The following PCDHA12 variants were observed in gnomAD, a reference collection of about 807,000 sequenced individuals.
PCDHA12 encodes protocadherin alpha-12.
PCDHA12 carries 44 observed loss-of-function variants against 60.0 expected under a neutral mutation model. That is an observed-to-expected ratio of 0.73 (90% CI 0.58 to 0.94). The LOEUF (loss-of-function observed/expected upper bound fraction) is 0.94, where lower values mean the gene tolerates loss of function less well. PCDHA12 is among the 40% of genes least tolerant of loss of function. The probability of loss-of-function intolerance (pLI) is 0.00; values close to 1 mark genes in which losing one functional copy is unlikely to be tolerated. For synonymous variants in PCDHA12, 569 were observed against 553.0 expected (o/e 1.03, Z -0.40); for missense variants, 1,276 against 1,239.7 (o/e 1.03, Z -0.44).
At chr5:140,963,091 T>C (rs1250580965) in intron 1 of PCDHA12, among the ~76,000 whole-genome samples, 1 of 152,162 alleles carries the variant, frequency 6.6e-6, no homozygotes, top group African/African-American at 2.4e-5. Flanking sequence ...AAGACATGGC[T>C]CCTGCTTTCA....
At chr5:140,919,982 G>GA (rs35005979) in intron 1 of PCDHA12, among the ~76,000 whole-genome samples, 49,705 of 152,056 alleles carry the variant, frequency 0.33, 8,403 homozygotes, top group East Asian at 0.53. Flanking sequence ...GATAGAAGAT[G>GA]GAAAACAGAC....
rs140423301 is a variant in PCDHA12 at position 140,995,612 on chromosome 5, C to T, written c.2515+13049C>T. Among the ~76,000 whole-genome samples, 11 of 152,156 alleles carry T rather than the reference C, an allele frequency of 7.2e-5. No individual in the cohort carries two copies. In the East Asian group the frequency reaches 2.1e-3, roughly 29 times the overall value. On this transcript the variant is annotated intron_variant, in intron 3 of 3. Transcript: ENST00000398631. ...AACTTAGTGTTTTTCTTCTCCCAAA[C>T]CAAATATTGGAAACTTTGGAGTGTT... is the stretch of plus-strand genomic sequence containing the variant.
intron 1 of PCDHA12, among the ~76,000 whole-genome samples, chr5:140,923,640 T>G (rs2081459480): frequency 6.6e-6 from 1 of 152,234 alleles, no homozygotes; most frequent in African/African-American, 2.4e-5. Flanking sequence ...GCAAAAATCT[T>G]TAGCCTCCCT....
At chr5:140,989,325 G>A (rs1389327103) in intron 3 of PCDHA12, among the ~76,000 whole-genome samples, 5 of 152,164 alleles carry the variant, frequency 3.3e-5, no homozygotes, top group African/African-American at 1.2e-4. Flanking sequence ...CACCAACTTT[G>A]CCACCTGACT....
At chr5:140,988,085 G>T (rs1490034264) in intron 3 of PCDHA12, among the ~76,000 whole-genome samples, 1 of 152,176 alleles carries the variant, frequency 6.6e-6, no homozygotes, top group East Asian at 1.9e-4. Flanking sequence ...ATGAGTGAGT[G>T]CAGCCTCGGG....
chr5:140,928,100 T>C (rs1458420006), intron 1 of PCDHA12: 1 of 1,614,090 alleles, frequency 6.2e-7, no homozygotes, highest in African/African-American at 1.3e-5. Context: ...GATGGGCCCC[T>C]GGACCGGGAG....
At chr5:140,929,213 A>G (rs199608631) in intron 1 of PCDHA12, 6 of 1,613,934 alleles carry the variant, frequency 3.7e-6, no homozygotes, top group Admixed American at 1.7e-5. Context: ...TTGCGTGGGG[A>G]GTACAATGCT....
At chr5:140,968,776 A>G (rs1346540500) in intron 1 of PCDHA12, 4 of 1,614,082 alleles carry the variant, frequency 2.5e-6, no homozygotes, top group Admixed American at 3.3e-5. Context: ...AGCCATCACT[A>G]TCAGCCTCTG....
chr5:140,941,199 C>CTT (rs879983584), intron 1 of PCDHA12, among the ~76,000 whole-genome samples: 22 of 115,972 alleles, frequency 1.9e-4, no homozygotes, highest in African/African-American at 6.6e-4. Context: ...TTTTTTCTTT[C>CTT]TTCCTTTCTT....
intron 1 of PCDHA12, among the ~76,000 whole-genome samples, chr5:140,932,493 T>A (rs148938081): frequency 6.6e-6 from 1 of 152,006 alleles, no homozygotes; most frequent in East Asian, 1.9e-4. Context: ...CTTTGCAATG[T>A]CATTTGTTAA....
intron 1 of PCDHA12, chr5:140,966,746 C>T: frequency 1.4e-6 from 2 of 1,425,932 alleles, no homozygotes; most frequent in Non-Finnish European, 1.8e-6. Context: ...TGCCCGGCTG[C>T]CTCCGCCGCG....
Position 140,883,537 on chromosome 5 carries a change from G to A in PCDHA12, c.2367+5698G>A, listed in dbSNP as rs782001309. 3 of 1,614,238 alleles carry A rather than the reference G, an allele frequency of 1.9e-6. No individual in the cohort carries two copies. The African/African-American group carries it at 4.0e-5, about 22-fold the overall frequency. On this transcript the variant is annotated intron_variant, in intron 1 of 3. Transcript: ENST00000398631. ...GCGAGAGCGTATCAGCCTATGAACT[G>A]GTGGTGACCGCGCGGGACGGGGGCT...
chr5:140,929,995 C>A (rs543771321), intron 1 of PCDHA12: 1 of 152,108 alleles, frequency 6.6e-6, no homozygotes, highest in Admixed American at 6.5e-5. Context: ...GGAATGACAC[C>A]CTAAAACATA....
intron 1 of PCDHA12, chr5:140,884,715 AGTT>A: frequency 6.8e-7 from 1 of 1,470,936 alleles, no homozygotes; most frequent in Non-Finnish European, 9.0e-7. Context: ...CCTTCCTTGC[AGTT>A]GTTTGTTTAA....
At chr5:140,975,917 A>C (rs1287006605) in intron 1 of PCDHA12, among the ~76,000 whole-genome samples, 1 of 152,220 alleles carries the variant, frequency 6.6e-6, no homozygotes, top group Non-Finnish European at 1.5e-5. Context: ...TATTCTACCA[A>C]AAGACTAACC....
At chr5:140,912,864 T>C (rs1483499385) in intron 1 of PCDHA12, among the ~76,000 whole-genome samples, 1 of 152,212 alleles carries the variant, frequency 6.6e-6, no homozygotes, top group East Asian at 1.9e-4. Context: ...TGAAATGATA[T>C]ATGGTTTTTG....
intron 3 of PCDHA12, among the ~76,000 whole-genome samples, chr5:140,983,425 C>T (rs1252010683): frequency 2.0e-5 from 3 of 152,198 alleles, no homozygotes; most frequent in Non-Finnish European, 4.4e-5. Context: ...GTAGAGACCA[C>T]AAATTGTGTC....
intron 1 of PCDHA12, among the ~76,000 whole-genome samples, chr5:140,902,277 A>G (rs1257357376): frequency 1.3e-5 from 2 of 149,170 alleles, no homozygotes; most frequent in African/African-American, 5.0e-5. Flanking sequence ...GGCTCAAGCA[A>G]TCCTCCTGCC....
intron 1 of PCDHA12, among the ~76,000 whole-genome samples, chr5:140,962,950 C>T (rs2095723700): frequency 6.6e-6 from 1 of 152,152 alleles, no homozygotes; most frequent in African/African-American, 2.4e-5. Flanking sequence ...ATAAGATATG[C>T]TCTATCCCTA....
Sources: allele counts gnomAD v4.1 joint callset (sites outside exome capture counted in the v4.1 genomes callset), GRCh38; gene constraint gnomAD v4.1.1; transcripts MANE v1.5; gene names NCBI Gene and HGNC (gene_info 2026-07-23, HGNC 2026-07-21).